GPM6A: variants seen among roughly 807,000 people sequenced by gnomAD.
GPM6A encodes the protein glycoprotein M6A, also known as neuronal membrane glycoprotein M6-a.
Under a neutral mutation model 32.1 loss-of-function variants are expected in GPM6A, and 7 were observed. The ratio of observed to expected loss-of-function variants is 0.22; its 90% CI spans 0.12 to 0.41. GPM6A has a LOEUF of 0.41. GPM6A is among the 10% of genes least tolerant of loss of function. The pLI, the probability that GPM6A is intolerant of heterozygous loss-of-function variation, is 1.00. For synonymous variants in GPM6A, 130 were observed against 123.4 expected (o/e 1.05, Z -0.35); for missense variants, 235 against 347.2 (o/e 0.68, Z 2.57).
intron 2 of GPM6A, among the ~76,000 whole-genome samples, chr4:175,681,528 C>A (rs950405278): frequency 3.9e-5 from 6 of 152,052 alleles, no homozygotes; most frequent in African/African-American, 1.2e-4. Context: ...TTTGTCCTTG[C>A]CTAAACTTCA....
chr4:175,899,294 T>C (rs978652872), intron 1 of GPM6A, among the ~76,000 whole-genome samples: 11 of 152,226 alleles, frequency 7.2e-5, no homozygotes, highest in African/African-American at 2.6e-4. Flanking sequence ...TACAATTAAA[T>C]AGTACAAAAC....
At chr4:175,929,442 G>A (rs1738955006) in intron 1 of GPM6A, among the ~76,000 whole-genome samples, 1 of 152,136 alleles carries the variant, frequency 6.6e-6, no homozygotes, top group African/African-American at 2.4e-5. Flanking sequence ...ATTCCCACTG[G>A]TGGAAAGATG....
At chr4:175,660,576 T>A (rs1000738158) in intron 3 of GPM6A, among the ~76,000 whole-genome samples, 1 of 152,076 alleles carries the variant, frequency 6.6e-6, no homozygotes, top group Non-Finnish European at 1.5e-5. Flanking sequence ...TGCTAAAAAA[T>A]AACAAAAATA....
At chr4:175,712,044 T>C (rs1333461510) in intron 1 of GPM6A, among the ~76,000 whole-genome samples, 1 of 151,734 alleles carries the variant, frequency 6.6e-6, no homozygotes, top group East Asian at 1.9e-4. Context: ...CACAAAGAAA[T>C]CTATGACAAA....
intron 1 of GPM6A, among the ~76,000 whole-genome samples, chr4:175,858,089 T>C (rs1227361527): frequency 1.3e-5 from 2 of 152,166 alleles, no homozygotes; most frequent in Non-Finnish European, 2.9e-5. Flanking sequence ...AGGTAGGCTA[T>C]GTAAATAGGT....
At chr4:175,692,281 G>A (rs1292904825) in intron 2 of GPM6A, among the ~76,000 whole-genome samples, 3 of 151,998 alleles carry the variant, frequency 2.0e-5, no homozygotes, top group Non-Finnish European at 4.4e-5. Context: ...ATGTACATAT[G>A]GTCAAAATGG....
intron 1 of GPM6A, among the ~76,000 whole-genome samples, chr4:175,728,246 C>T (rs1274512127): frequency 6.6e-6 from 1 of 151,826 alleles, no homozygotes; most frequent in Non-Finnish European, 1.5e-5. Context: ...CTGAAAGAAT[C>T]AAAGAGAAAC....
chr4:175,836,535 A>G (rs1429997252), intron 1 of GPM6A, among the ~76,000 whole-genome samples: 1 of 152,214 alleles, frequency 6.6e-6, no homozygotes, highest in African/African-American at 2.4e-5. Context: ...TATAAAATTT[A>G]CAGAAGTAGG....
upstream of GPM6A, chr4:175,812,336 T>TTTTTTTTA: frequency 1.5e-6 from 2 of 1,360,032 alleles, no homozygotes; most frequent in Non-Finnish European, 9.5e-7. Flanking sequence ...TTTTTTTTTT[T>TTTTTTTTA]TTTTCCTGGG....
chr4:175,639,997 T>A, intron 6 of GPM6A, 132 bp downstream of exon 6: 1 of 781,316 alleles, frequency 1.3e-6, no homozygotes, highest in Non-Finnish European at 2.3e-6. Context: ...TTGTTTTCCC[T>A]ACTTTTTTTA....
intron 1 of GPM6A, among the ~76,000 whole-genome samples, chr4:175,936,076 G>A (rs540172270): frequency 7.5e-4 from 114 of 151,194 alleles, no homozygotes; most frequent in Non-Finnish European, 1.5e-3. Flanking sequence ...GAGGCCGAGG[G>A]GGGTGGATCA....
intron 2 of GPM6A, among the ~76,000 whole-genome samples, chr4:175,691,738 T>G (rs565052477): frequency 6.6e-6 from 1 of 152,328 alleles, no homozygotes; most frequent in East Asian, 1.9e-4. Flanking sequence ...AAATATGTCA[T>G]CTCATATGCC....
intron 1 of GPM6A, among the ~76,000 whole-genome samples, chr4:175,883,116 TA>T (rs938392619): frequency 1.1e-4 from 17 of 152,048 alleles, no homozygotes; most frequent in Non-Finnish European, 2.2e-4. Flanking sequence ...TGCAGTACCC[TA>T]AGGAATTTAT....
At chr4:175,828,048 T>C (rs1281731978) in intron 1 of GPM6A, among the ~76,000 whole-genome samples, 1 of 152,214 alleles carries the variant, frequency 6.6e-6, no homozygotes, top group African/African-American at 2.4e-5. Context: ...AATGTTATCC[T>C]GAGTATTTAT....
chr4:175,746,713 AAG>A (rs1213614436), intron 1 of GPM6A, among the ~76,000 whole-genome samples: 7 of 152,152 alleles, frequency 4.6e-5, no homozygotes, highest in Admixed American at 2.6e-4. Flanking sequence ...TAAAAAAACA[AAG>A]AGTTTCTTAG....
intron 1 of GPM6A, among the ~76,000 whole-genome samples, chr4:175,947,459 T>G (rs954657881): frequency 3.9e-5 from 6 of 152,052 alleles, no homozygotes; most frequent in African/African-American, 9.7e-5. Context: ...AGAATAATAT[T>G]TATTAAGTGT....
intron 2 of GPM6A, among the ~76,000 whole-genome samples, chr4:175,680,795 A>G (rs1743642411): frequency 6.6e-6 from 1 of 152,138 alleles, no homozygotes; most frequent in Non-Finnish European, 1.5e-5. Flanking sequence ...ATGTTTGTGT[A>G]TATGTCTATT....
intron 1 of GPM6A, among the ~76,000 whole-genome samples, chr4:175,799,648 AC>A (rs1734382528): frequency 6.7e-6 from 1 of 150,106 alleles, no homozygotes; most frequent in Non-Finnish European, 1.5e-5. Flanking sequence ...TACATTTGTC[AC>A]CCTAAAAGTA....
intron 1 of GPM6A, among the ~76,000 whole-genome samples, chr4:175,883,496 A>G (rs912951481): frequency 6.6e-6 from 1 of 152,120 alleles, no homozygotes; most frequent in Non-Finnish European, 1.5e-5. Context: ...CTTATAGCAC[A>G]TCTCCTTTTG....
Sources: gnomAD v4.1 joint callset for allele counts (sites outside exome capture counted in the v4.1 genomes callset) on GRCh38, gnomAD v4.1.1 for gene constraint, MANE v1.5 for transcripts, NCBI Gene and HGNC (gene_info 2026-07-23, HGNC 2026-07-21) for gene names.